The following MARCHF1 variants were observed in gnomAD, a reference collection of about 807,000 sequenced individuals.
MARCHF1 encodes membrane associated ring-CH-type finger 1.
In MARCHF1, 40 loss-of-function variants were observed where a neutral mutation model predicts 54.2. That is an observed-to-expected ratio of 0.74 (90% CI 0.57 to 0.96). The LOEUF (loss-of-function observed/expected upper bound fraction) is 0.96. MARCHF1 is among the 40% of genes least tolerant of loss of function. The pLI is 0.00. For missense variants in MARCHF1, 586 were observed against 656.5 expected (o/e 0.89, Z 1.17); for synonymous variants, 236 against 236.3 (o/e 1.00, Z 0.01).
intron 4 of MARCHF1, among the ~76,000 whole-genome samples, chr4:163,777,885 TC>T (rs1425960597): frequency 1.3e-5 from 2 of 152,144 alleles, no homozygotes. Context: ...AATAATTTCT[TC>T]ATCCCAAAAA....
At chr4:163,917,448 G>A (rs768923461) in intron 3 of MARCHF1, among the ~76,000 whole-genome samples, 2 of 152,006 alleles carry the variant, frequency 1.3e-5, no homozygotes, top group African/African-American at 2.4e-5. Flanking sequence ...TCCAGATTTT[G>A]GCCTTTCTAA....
At chr4:163,769,843 T>C (rs761677726) in intron 4 of MARCHF1, among the ~76,000 whole-genome samples, 6 of 152,136 alleles carry the variant, frequency 3.9e-5, no homozygotes, top group East Asian at 1.9e-4. Flanking sequence ...TGAATGTGTA[T>C]ACAATTGACC....
chr4:164,302,695 T>C (rs1414125105), intron 1 of MARCHF1, among the ~76,000 whole-genome samples: 6 of 151,838 alleles, frequency 4.0e-5, no homozygotes, highest in Non-Finnish European at 7.4e-5. Flanking sequence ...CTGGCAAACA[T>C]GGCAAAACCC....
intron 2 of MARCHF1, among the ~76,000 whole-genome samples, chr4:164,055,703 G>T (rs1754474986): frequency 6.6e-6 from 1 of 152,096 alleles, no homozygotes; most frequent in Admixed American, 6.6e-5. Context: ...CAGAGTAAAG[G>T]TCCTCTGGGG....
rs1446106278 is a variant in MARCHF1 at position 163,823,922 on chromosome 4, A to T, written c.111+30099T>A. 3.3e-5 allele frequency among the ~76,000 whole-genome samples: 5 copies of T among 151,912 alleles called. No homozygotes were observed. The East Asian group carries it at 9.6e-4, about 29-fold the overall frequency. On this transcript the variant is annotated intron_variant, in intron 4 of 9. Transcript: ENST00000514618. ...ATAGAAATTGAGAAAAAGAAATTAT[A>T]GCCAATTTAGAGAATATATTACCTT...
At chr4:164,000,791 T>G (rs1753172163) in intron 2 of MARCHF1, among the ~76,000 whole-genome samples, 1 of 151,700 alleles carries the variant, frequency 6.6e-6, no homozygotes, top group African/African-American at 2.4e-5. Flanking sequence ...ATTTGACAGC[T>G]TTTCTTTCAT....
chr4:164,034,080 TAGATAG>T lies in MARCHF1; in HGVS notation c.-247-45377_-247-45372del, dbSNP rs1560871931. On this transcript the variant is annotated intron_variant, in intron 2 of 9. Coordinates refer to ENST00000514618, the MANE Select transcript of MARCHF1 (RefSeq NM_001394959.1). ...AAAATGTGATAGACAGATAGATAGA[TAGATAG>T]ATAGATAGATAGATAGATAGATAGA... 1.6e-3 allele frequency among the ~76,000 whole-genome samples: 156 copies of T among 96,222 alleles called. 1 individual carries two copies. The highest frequency in any genetic ancestry group is 7.9e-3 in the African/African-American group (153 of 19,374). The allele number at this position is 96,222 out of a possible 152,430, so 63.1% of individuals were successfully genotyped here. A position where few individuals can be genotyped will look rare whatever the true frequency, so the allele number is the denominator to read the frequency against.
chr4:163,817,222 T>C (rs1426931731), intron 4 of MARCHF1, among the ~76,000 whole-genome samples: 3 of 152,060 alleles, frequency 2.0e-5, no homozygotes, highest in Non-Finnish European at 4.4e-5. Flanking sequence ...TTACCACTGC[T>C]TGTTTTGGTA....
chr4:163,828,054 C>CACACACACACAGAGAG lies in MARCHF1; in HGVS notation c.111+25966_111+25967insCTCTCTGTGTGTGTGT, dbSNP rs774603753. ...ACACACACACACACACACACACACACAGACACACCTTGTCATTCTCCTCCT... is the reference window on the plus strand; with the variant it reads ...ACACACACACACACACACACACACACACACACACACAGAGAGAGACACACCTTGTCATTCTCCTCCT... On this transcript the variant is annotated intron_variant, in intron 4 of 9. Transcript: ENST00000514618. 1.4e-3 allele frequency among the ~76,000 whole-genome samples: 207 copies of CACACACACACAGAGAG among 148,310 alleles called. 1 individual carries two copies. Among genetic ancestry groups the CACACACACACAGAGAG allele is most frequent in the Admixed American group, 3.7e-3 (55 of 14,820 alleles).
At chr4:164,026,110 A>C (rs7680536) in intron 2 of MARCHF1, among the ~76,000 whole-genome samples, 88,140 of 151,864 alleles carry the variant, frequency 0.58, 28,089 homozygotes, top group South Asian at 0.71. Context: ...ACAACAACAA[A>C]AAATTGCTGG....
At chr4:163,558,432 A>G (rs567930874) in intron 8 of MARCHF1, among the ~76,000 whole-genome samples, 1 of 152,264 alleles carries the variant, frequency 6.6e-6, no homozygotes, top group South Asian at 2.1e-4. Context: ...AGTGGAGGAG[A>G]TGCTTCGGAG....
intron 3 of MARCHF1, among the ~76,000 whole-genome samples, chr4:163,925,961 G>A (rs1444289469): frequency 6.6e-6 from 1 of 151,528 alleles, no homozygotes; most frequent in Non-Finnish European, 1.5e-5. Flanking sequence ...AAAACATTCT[G>A]AGGTTTTTGT....
chr4:164,306,498 T>G (rs1734697402), intron 1 of MARCHF1, among the ~76,000 whole-genome samples: 2 of 152,172 alleles, frequency 1.3e-5, no homozygotes, highest in Admixed American at 6.5e-5. Flanking sequence ...GAATCATTTT[T>G]TCCTCACTGC....
intron 1 of MARCHF1, among the ~76,000 whole-genome samples, chr4:164,322,003 T>C (rs1735153488): frequency 1.3e-5 from 2 of 152,020 alleles, no homozygotes; most frequent in South Asian, 2.1e-4. Context: ...ACTCAAAGTT[T>C]TGAGCGAAGG....
At chr4:164,307,437 G>A (rs1290029279) in intron 1 of MARCHF1, among the ~76,000 whole-genome samples, 1 of 152,218 alleles carries the variant, frequency 6.6e-6, no homozygotes, top group Non-Finnish European at 1.5e-5. Flanking sequence ...CAATGGATGT[G>A]TCAATAGCTG....
rs185758177 is a variant in MARCHF1, at chr4:164,160,969, A to T, written c.-322-49307T>A. Among the ~76,000 whole-genome samples the T allele has an allele frequency of 4.9e-3, 748 of 152,304 alleles. 8 individuals are homozygous for T. The highest frequency in any genetic ancestry group is 0.017 in the African/African-American group (721 of 41,578). ...AAAAAATGACAAAAATCTAAGAATA[A>T]CATGATAGTTTTTGATACCAGCACT... is the stretch of plus-strand genomic sequence containing the variant. On this transcript the variant is annotated intron_variant, in intron 1 of 9. Coordinates refer to ENST00000514618, the MANE Select transcript of MARCHF1 (RefSeq NM_001394959.1).
chr4:163,731,764 T>A (rs1378562326), intron 4 of MARCHF1, among the ~76,000 whole-genome samples: 1 of 152,204 alleles, frequency 6.6e-6, no homozygotes, highest in Non-Finnish European at 1.5e-5. Flanking sequence ...AAGCCAGGAA[T>A]AGTGTCTGCC....
At chr4:163,927,696 T>A (rs915354454) in intron 3 of MARCHF1, among the ~76,000 whole-genome samples, 2 of 151,800 alleles carry the variant, frequency 1.3e-5, no homozygotes, top group African/African-American at 4.8e-5. Flanking sequence ...ACAGAAACTG[T>A]CCTCAATAAA....
At chr4:164,381,482 T>C (rs1308183269) in intron 1 of MARCHF1, among the ~76,000 whole-genome samples, 1 of 152,194 alleles carries the variant, frequency 6.6e-6, no homozygotes, top group Admixed American at 6.5e-5. Context: ...AAAGATTTCA[T>C]ACATAAAATG....
Sources: allele counts gnomAD v4.1 joint callset (sites outside exome capture counted in the v4.1 genomes callset), GRCh38; gene constraint gnomAD v4.1.1; transcripts MANE v1.5; gene names NCBI Gene and HGNC (gene_info 2026-07-23, HGNC 2026-07-21).